Variants in HGD observed in about 807,000 individuals in gnomAD.
HGD encodes homogentisate oxidase.
HGD carries 61 observed loss-of-function variants against 60.8 expected under a neutral mutation model. The observed-to-expected ratio is 1.00, with a 90% CI of 0.82 to 1.24. The LOEUF is 1.24. HGD is among the 50% of genes most tolerant of loss of function. The pLI is 0.00. For synonymous variants in HGD, 212 were observed against 187.7 expected (o/e 1.13, Z -1.06); for missense variants, 542 against 547.1 (o/e 0.99, Z 0.09).
chr3:120,647,146 A>G, intron 7 of HGD, 94 bp from the exon 8 acceptor site: 1 of 932,484 alleles, frequency 1.1e-6, no homozygotes, highest in Non-Finnish European at 1.8e-6. Flanking sequence ...TTGCTTTTCC[A>G]TTCCAAATGC....
intron 3 of HGD, among the ~76,000 whole-genome samples, chr3:120,670,893 G>A (rs1369929853): frequency 2.0e-5 from 3 of 152,190 alleles, no homozygotes; most frequent in East Asian, 3.8e-4. Context: ...GCTTATGTGT[G>A]TATCATAGGA....
chr3:120,646,407 C>T, intron 8 of HGD, 41 bp from the exon 9 acceptor site: 1 of 1,297,438 alleles, frequency 7.7e-7, no homozygotes, highest in Non-Finnish European at 1.1e-6. Flanking sequence ...TCTGAAATCA[C>T]AGCTGTAGTT....
At chr3:120,655,507 T>C (rs1272710520) in intron 4 of HGD, among the ~76,000 whole-genome samples, 1 of 152,208 alleles carries the variant, frequency 6.6e-6, no homozygotes, top group African/African-American at 2.4e-5. Flanking sequence ...ATACTGGGCC[T>C]GTATCATGAA....
intron 9 of HGD, 109 bp downstream of exon 9, chr3:120,646,158 A>C: frequency 1.3e-6 from 1 of 777,378 alleles, no homozygotes; most frequent in Non-Finnish European, 2.3e-6. Context: ...CTAGAGAGAA[A>C]AGTGGAAGTT....
At chr3:120,678,649 G>A (rs949337595) in intron 1 of HGD, among the ~76,000 whole-genome samples, 27 of 152,196 alleles carry the variant, frequency 1.8e-4, no homozygotes, top group African/African-American at 6.3e-4. Flanking sequence ...GCACCAAGAG[G>A]TGTGAGTTCT....
chr3:120,671,807 A>G (rs1708030898), intron 3 of HGD, among the ~76,000 whole-genome samples: 1 of 152,262 alleles, frequency 6.6e-6, no homozygotes, highest in Non-Finnish European at 1.5e-5. Context: ...CTATGCAGCC[A>G]TAAAAAGGAA....
chr3:120,649,262 C>A (rs1050398717), intron 6 of HGD, among the ~76,000 whole-genome samples: 5 of 150,350 alleles, frequency 3.3e-5, no homozygotes, highest in African/African-American at 1.2e-4. Context: ...CCTTTTTCAG[C>A]CTCCTGAGTA....
chr3:120,634,698 C>T (rs1940703201), intron 12 of HGD, among the ~76,000 whole-genome samples: 1 of 152,154 alleles, frequency 6.6e-6, no homozygotes. Context: ...GCAACCGTTA[C>T]AAAATCAAAC....
At chr3:120,633,424 A>G in intron 12 of HGD, 96 bp from the exon 13 acceptor site, 1 of 1,606,428 alleles carries the variant, frequency 6.2e-7, no homozygotes, top group Non-Finnish European at 8.5e-7. Context: ...TTCCAAGAAC[A>G]CAGGAGAAAC....
chr3:120,680,643 C>T (rs767136111), intron 1 of HGD, among the ~76,000 whole-genome samples: 3 of 152,240 alleles, frequency 2.0e-5, no homozygotes, highest in Non-Finnish European at 2.9e-5. Context: ...CTACCACTGA[C>T]ATCATGACCC....
At chr3:120,674,679 A>T in intron 3 of HGD, 1 of 505,476 alleles carries the variant, frequency 2.0e-6, no homozygotes, top group East Asian at 3.8e-5. Flanking sequence ...GGACATGTGT[A>T]TTTTCCCAGC....
At position 120,670,523 on chromosome 3, in the gene HGD, A is replaced by G; in HGVS notation, c.186T>C (p.Tyr62=). The change falls in exon 4 of 14, where the codon TAT becomes TAC. Residue 62 remains tyrosine (Y), a synonymous_variant. Coordinates refer to ENST00000283871, the MANE Select transcript of HGD (RefSeq NM_000187.4). The stretch of plus-strand genomic sequence containing the variant: ...TGTGAGAAACTGAAGGTAGAATCCT[A>G]TACAGCCAGCTAGAGGGAAAAACAT... ...PRSTNKRSWL[Y]RILPSVSHKP... The G allele has an allele frequency of 6.3e-7, 1 of 1,586,068 alleles. No individual in the cohort carries two copies. Among genetic ancestry groups the G allele is most frequent in the Non-Finnish European group, 8.7e-7 (1 of 1,154,350 alleles).
intron 3 of HGD, among the ~76,000 whole-genome samples, chr3:120,670,767 A>T (rs143779711): frequency 5.3e-4 from 80 of 152,218 alleles, no homozygotes; most frequent in Middle Eastern, 6.8e-3. Context: ...ATGGACTCTG[A>T]CTCATGGTTA....
At chr3:120,657,250 T>C (rs1352752992) in intron 4 of HGD, among the ~76,000 whole-genome samples, 1 of 152,202 alleles carries the variant, frequency 6.6e-6, no homozygotes, top group Non-Finnish European at 1.5e-5. Flanking sequence ...GTGTCCAAAG[T>C]TAGAATTAAA....
intron 13 of HGD, among the ~76,000 whole-genome samples, chr3:120,629,365 A>G (rs533473618): frequency 6.6e-6 from 1 of 152,332 alleles, no homozygotes; most frequent in South Asian, 2.1e-4. Context: ...AAATAATAGA[A>G]TTATCTTGTG....
intron 5 of HGD, among the ~76,000 whole-genome samples, chr3:120,651,376 C>T (rs1941336487): frequency 6.6e-6 from 1 of 152,140 alleles, no homozygotes; most frequent in African/African-American, 2.4e-5. Context: ...GCTGTGTGAC[C>T]AGATGATCCA....
chr3:120,641,483 A>G (rs1940976368), intron 11 of HGD, 106 bp downstream of exon 11: 1 of 803,268 alleles, frequency 1.2e-6, no homozygotes, highest in South Asian at 1.4e-5. Context: ...AGGGCTTCCA[A>G]TGGTGACATT....
At chr3:120,645,852 A>T (rs948323841) in intron 9 of HGD, among the ~76,000 whole-genome samples, 1 of 152,040 alleles carries the variant, frequency 6.6e-6, no homozygotes, top group African/African-American at 2.4e-5. Context: ...GCTTATTCTC[A>T]CTTATATGCT....
intron 4 of HGD, among the ~76,000 whole-genome samples, chr3:120,656,376 G>T (rs920509874): frequency 1.3e-5 from 2 of 152,198 alleles, no homozygotes; most frequent in East Asian, 1.9e-4. Context: ...TTGTTAAATA[G>T]CTTCTTCTCT....
Sources: allele counts gnomAD v4.1 joint callset (sites outside exome capture counted in the v4.1 genomes callset), GRCh38; gene constraint gnomAD v4.1.1; transcripts MANE v1.5; gene names NCBI Gene and HGNC (gene_info 2026-07-23, HGNC 2026-07-21).